Variants in AGTR1 observed in about 807,000 individuals in gnomAD.
AGTR1 encodes type-1 angiotensin II receptor.
In AGTR1, 16 loss-of-function variants were observed where a neutral mutation model predicts 19.4. The observed-to-expected ratio is 0.82, with a 90% CI of 0.56 to 1.25. The LOEUF (loss-of-function observed/expected upper bound fraction) is 1.25. AGTR1 is among the 50% of genes most tolerant of loss of function. The pLI, the probability that AGTR1 is intolerant of heterozygous loss-of-function variation, is 0.00. For synonymous variants in AGTR1, 153 were observed against 154.9 expected (o/e 0.99, Z 0.09); for missense variants, 373 against 431.9 (o/e 0.86, Z 1.21).
At chr3:148,713,663 T>C (rs1484979534) in intron 2 of AGTR1, among the ~76,000 whole-genome samples, 1 of 152,052 alleles carries the variant, frequency 6.6e-6, no homozygotes, top group African/African-American at 2.4e-5. Flanking sequence ...AGCCTGAGAA[T>C]ATATTTGAAA....
At chr3:148,709,034 C>T (rs979184187) in intron 2 of AGTR1, among the ~76,000 whole-genome samples, 5 of 152,150 alleles carry the variant, frequency 3.3e-5, no homozygotes, top group African/African-American at 1.2e-4. Context: ...ATTTAGAATG[C>T]CTTTAATCTT....
intron 2 of AGTR1, chr3:148,730,364 T>C (rs1014777871): frequency 5.1e-6 from 2 of 389,650 alleles, no homozygotes; most frequent in African/African-American, 4.1e-5. Flanking sequence ...CCTGAGAAGG[T>C]ATGAAGGTGG....
intron 2 of AGTR1, among the ~76,000 whole-genome samples, chr3:148,709,117 T>A (rs985621614): frequency 3.9e-4 from 59 of 152,152 alleles, no homozygotes; most frequent in Non-Finnish European, 1.8e-4. Context: ...TTTGGGAGGT[T>A]TTTTTTCTGA....
chr3:148,734,055 T>C (rs1254388736), intron 2 of AGTR1, among the ~76,000 whole-genome samples: 1 of 152,164 alleles, frequency 6.6e-6, no homozygotes, highest in African/African-American at 2.4e-5. Flanking sequence ...GAATTTTGGA[T>C]AGTGATGTGG....
chr3:148,700,939 C>A (rs537914069), intron 1 of AGTR1, among the ~76,000 whole-genome samples: 1 of 152,304 alleles, frequency 6.6e-6, no homozygotes, highest in East Asian at 1.9e-4. Flanking sequence ...AAGCAGTATA[C>A]TCAATCTCTG....
intron 2 of AGTR1, among the ~76,000 whole-genome samples, chr3:148,715,285 A>G (rs1308871605): frequency 6.6e-6 from 1 of 152,036 alleles, no homozygotes; most frequent in Non-Finnish European, 1.5e-5. Flanking sequence ...CCTAATGAGG[A>G]TTAGGGAATA....
At chr3:148,718,213 C>A (rs1211358585) in intron 2 of AGTR1, among the ~76,000 whole-genome samples, 1 of 152,140 alleles carries the variant, frequency 6.6e-6, no homozygotes, top group African/African-American at 2.4e-5. Flanking sequence ...GAAATGCAGG[C>A]GTAATTAGAA....
Position 148,741,803 on chromosome 3 carries a change from C to A in AGTR1, c.768C>A (p.His256Gln). 1 of 1,613,294 alleles carries A rather than the reference C, an allele frequency of 6.2e-7. No individual in the cohort carries two copies. Residue 256 changes from histidine to glutamine, a missense_variant, in exon 3 of 3, where the codon CAC (histidine) becomes CAA (glutamine). His to Gln is a conservative substitution (Grantham distance 24). Coordinates refer to ENST00000349243, the MANE Select transcript of AGTR1 (RefSeq NM_000685.5). The part of the protein sequence containing the change: ...VLFFFFSWIP[H>Q]QIFTFLDVLI... ...TCTTTTTCTTTTCCTGGATTCCCCA[C>A]CAAATATTCACTTTTCTGGATGTAT...
intron 2 of AGTR1, among the ~76,000 whole-genome samples, chr3:148,720,238 C>T (rs1302732639): frequency 6.6e-6 from 1 of 152,046 alleles, no homozygotes; most frequent in Non-Finnish European, 1.5e-5. Flanking sequence ...AAAACAACCA[C>T]ATCATAAAAT....
intron 1 of AGTR1, among the ~76,000 whole-genome samples, chr3:148,702,129 C>T (rs937817126): frequency 7.9e-5 from 12 of 151,970 alleles, no homozygotes; most frequent in South Asian, 2.1e-4. Context: ...AGGTGCATGC[C>T]GCCACGCCCA....
At position 148,741,226 on chromosome 3, in the gene AGTR1, G is replaced by A. The variant is rs1240210108; in HGVS notation, c.191G>A (p.Ser64Asn). Residue 64 changes from serine (S) to asparagine (N), a missense_variant, in exon 3 of 3, where the codon AGT (serine) becomes AAT (asparagine). By Grantham distance (46) the Ser-to-Asn change is conservative (BLOSUM62 1). Transcript: ENST00000349243. Reference protein sequence around the residue: ...YFYMKLKTVASVFLLNLALAD... With the variant: ...YFYMKLKTVANVFLLNLALAD... ...TATATGAAGCTGAAGACTGTGGCCA[G>A]TGTTTTTCTTTTGAATTTAGCACTG... 6 of 1,614,120 alleles carry A rather than the reference G, an allele frequency of 3.7e-6. No individual in the cohort carries two copies. In the Admixed American group the frequency reaches 8.3e-5, roughly 22 times the overall value.
chr3:148,711,059 T>C (rs1033121257), intron 2 of AGTR1, among the ~76,000 whole-genome samples: 1 of 152,190 alleles, frequency 6.6e-6, no homozygotes, highest in East Asian at 1.9e-4. Context: ...CTCTTTTCTT[T>C]ATAAATTACC....
chr3:148,720,830 A>G (rs933142298), intron 2 of AGTR1, among the ~76,000 whole-genome samples: 6 of 152,214 alleles, frequency 3.9e-5, no homozygotes, highest in East Asian at 1.9e-4. Context: ...AGTGAATTCC[A>G]TATATTTATA....
intron 2 of AGTR1, among the ~76,000 whole-genome samples, chr3:148,724,550 C>A (rs1459195531): frequency 1.3e-5 from 2 of 152,152 alleles, no homozygotes; most frequent in Non-Finnish European, 2.9e-5. Flanking sequence ...AAAGGGTATA[C>A]ATGTATATTC....
chr3:148,707,056 C>T (rs913900139), intron 1 of AGTR1, among the ~76,000 whole-genome samples: 1 of 151,742 alleles, frequency 6.6e-6, no homozygotes, highest in Non-Finnish European at 1.5e-5. Flanking sequence ...AAGATTAAGG[C>T]TCATTAATAG....
At chr3:148,733,357 T>C (rs1714397332) in intron 2 of AGTR1, among the ~76,000 whole-genome samples, 1 of 152,196 alleles carries the variant, frequency 6.6e-6, no homozygotes, top group Admixed American at 6.5e-5. Context: ...AACCCCAACA[T>C]AATACTCATA....
chr3:148,740,337 G>A (rs12721317), intron 2 of AGTR1, among the ~76,000 whole-genome samples: 11,976 of 152,194 alleles, frequency 0.079, 1,605 homozygotes, highest in African/African-American at 0.27. Flanking sequence ...AAGTTAAAGA[G>A]TAAGTAGTTA....
intron 1 of AGTR1, among the ~76,000 whole-genome samples, chr3:148,707,145 T>G (rs988693779): frequency 1.2e-4 from 18 of 152,072 alleles, no homozygotes; most frequent in Non-Finnish European, 2.4e-4. Flanking sequence ...GGTAGATTTA[T>G]ATATGCTGAT....
In AGTR1 at chr3:148,741,657, T is replaced by C. The variant is rs777986489; in HGVS notation, c.622T>C (p.Phe208Leu). ...AAATATACTGGGTTTCCTGTTTCCT[T>C]TTCTGATCATTCTTACAAGTTATAC... ...TKNILGFLFP[F>L]LIILTSYTLI... Residue 208 changes from phenylalanine to leucine, a missense_variant, in exon 3 of 3, where the codon TTT becomes CTT. Transcript: ENST00000349243. 1.5e-5 allele frequency: 25 copies of C among 1,614,022 alleles called. No individual in the cohort carries two copies. In the South Asian group the frequency reaches 2.7e-4, roughly 18 times the overall value.
Sources: allele counts gnomAD v4.1 joint callset (sites outside exome capture counted in the v4.1 genomes callset), GRCh38; gene constraint gnomAD v4.1.1; transcripts MANE v1.5; gene names NCBI Gene and HGNC (gene_info 2026-07-23, HGNC 2026-07-21).